The following ZNF618 variants were observed in gnomAD, a reference collection of about 807,000 sequenced individuals.
ZNF618 encodes zinc finger protein 618, also known as neural precursor cell expressed, developmentally down-regulated 10.
A neutral mutation model predicts 103.0 loss-of-function variants in ZNF618; 34 were observed. That is an observed-to-expected ratio of 0.33 (90% CI 0.25 to 0.44). The LOEUF is 0.44. Among genes scored for constraint, ZNF618 ranks in the 20% least tolerant of loss-of-function variants. The pLI, the probability that ZNF618 is intolerant of heterozygous loss-of-function variation, is 1.00. For missense variants in ZNF618, 1,059 were observed against 1,295.4 expected (o/e 0.82, Z 2.80); for synonymous variants, 551 against 542.2 (o/e 1.02, Z -0.23).
At chr9:113,941,409 G>C (rs1227946589) in intron 1 of ZNF618, among the ~76,000 whole-genome samples, 5 of 152,028 alleles carry the variant, frequency 3.3e-5, no homozygotes, top group Non-Finnish European at 1.5e-5. Context: ...GTTTTGTTGG[G>C]TTACTTTCTC....
At chr9:114,013,055 A>C (rs879379968) in intron 9 of ZNF618, among the ~76,000 whole-genome samples, 2 of 152,196 alleles carry the variant, frequency 1.3e-5, no homozygotes, top group African/African-American at 2.4e-5. Flanking sequence ...CATGAATTCA[A>C]GGTGGACTTG....
intron 13 of ZNF618, among the ~76,000 whole-genome samples, chr9:114,046,161 G>A (rs1444673846): frequency 6.6e-6 from 1 of 152,128 alleles, no homozygotes; most frequent in South Asian, 2.1e-4. Flanking sequence ...CATGTCATCT[G>A]CAGTTAGAGA....
At chr9:113,930,016 C>G (rs4979303) in intron 1 of ZNF618, among the ~76,000 whole-genome samples, 151,950 of 152,364 alleles carry the variant, frequency 1, 75,769 homozygotes, top group Middle Eastern at 1. Flanking sequence ...CTGATAACAG[C>G]CTTGGCCTAT....
intron 11 of ZNF618, among the ~76,000 whole-genome samples, chr9:114,029,259 C>T (rs1184182876): frequency 6.6e-6 from 1 of 152,142 alleles, no homozygotes; most frequent in African/African-American, 2.4e-5. Flanking sequence ...AAATCATGGC[C>T]TGAGGGGCCT....
At chr9:113,876,732 A>G (rs1019716388) in intron 1 of ZNF618, among the ~76,000 whole-genome samples, 1 of 151,650 alleles carries the variant, frequency 6.6e-6, no homozygotes, top group Non-Finnish European at 1.5e-5. Context: ...GACAATTCAC[A>G]TTTTGCAAAA....
chr9:113,902,521 G>A (rs1830655767), intron 1 of ZNF618, among the ~76,000 whole-genome samples: 2 of 152,144 alleles, frequency 1.3e-5, no homozygotes, highest in Admixed American at 6.5e-5. Flanking sequence ...TATTTAACAT[G>A]CATCTTTTTG....
chr9:114,045,649 A>G (rs747088498), intron 13 of ZNF618, among the ~76,000 whole-genome samples: 1 of 152,048 alleles, frequency 6.6e-6, no homozygotes, highest in Non-Finnish European at 1.5e-5. Context: ...ATCAGGAAGT[A>G]TATTCCTCCA....
At chr9:113,900,756 A>G (rs1479367358) in intron 1 of ZNF618, among the ~76,000 whole-genome samples, 5 of 126,100 alleles carry the variant, frequency 4.0e-5, no homozygotes, top group Non-Finnish European at 6.6e-5. Context: ...CTCTCGCGCA[A>G]ACCCGACCTC....
chr9:114,002,682 C>T lies in ZNF618; in HGVS notation c.550+20C>T, dbSNP rs757087345. The T allele has an allele frequency of 7.3e-5, 117 of 1,610,280 alleles. No homozygotes were observed. The highest frequency in any genetic ancestry group is 9.1e-5 in the Non-Finnish European group (107 of 1,179,364). On this transcript the variant is annotated intron_variant, in intron 6 of 14. Transcript: ENST00000374126. ...AAAGCAGTGAGTACTTTTTCCTCCTCGTGGGCTGCTGAGGGGCGAGGGCTT... is the reference window on the plus strand; with the variant it reads ...AAAGCAGTGAGTACTTTTTCCTCCTTGTGGGCTGCTGAGGGGCGAGGGCTT...
At chr9:114,015,386 T>A (rs1842570450) in intron 9 of ZNF618, among the ~76,000 whole-genome samples, 3 of 152,188 alleles carry the variant, frequency 2.0e-5, no homozygotes, top group Admixed American at 2.0e-4. Context: ...TGAAAAATAA[T>A]CAATTTCCTT....
chr9:114,051,574 T>C lies in ZNF618; in HGVS notation c.*1407T>C, dbSNP rs967097600. On this transcript the variant is annotated 3_prime_UTR_variant, in exon 15 of 15. Coordinates refer to ENST00000374126, the MANE Select transcript of ZNF618 (RefSeq NM_001318042.2). Reference sequence around the variant, plus strand: ...AGACCTGCCACAGCCTCTCCTCACTTCCCAGGACCCTGAGGCTTCCAGGAG... The same window carrying C: ...AGACCTGCCACAGCCTCTCCTCACTCCCCAGGACCCTGAGGCTTCCAGGAG... 1 of 152,680 alleles carries C rather than the reference T, an allele frequency of 6.5e-6. No individual in the cohort carries two copies. The highest frequency in any genetic ancestry group is 6.5e-5 in the Admixed American group (1 of 15,270). 9.5% of individuals were successfully genotyped at this position (152,680 alleles called of 1,614,324 possible).
chr9:114,048,014 G>A lies in ZNF618; in HGVS notation c.1348+20G>A. On this transcript the variant is annotated intron_variant, in intron 14 of 14. Transcript: ENST00000374126. ...ATAACAGTAGGTCTCCCCAAGCAGG[G>A]CTGGACCTGAGGGTCCCCTTATGCT... 1 of 1,558,442 alleles carries A rather than the reference G, an allele frequency of 6.4e-7. No individual in the cohort carries two copies.
At chr9:113,947,982 CAA>C (rs1835199076) in intron 1 of ZNF618, among the ~76,000 whole-genome samples, 2 of 152,302 alleles carry the variant, frequency 1.3e-5, no homozygotes, top group South Asian at 4.1e-4. Context: ...CCACTCTTGA[CAA>C]AGAGCATCAG....
intron 1 of ZNF618, among the ~76,000 whole-genome samples, chr9:113,905,498 G>A (rs895489878): frequency 1.5e-4 from 23 of 152,116 alleles, no homozygotes. Flanking sequence ...ACTGTCCGTG[G>A]CTGCTTCCAT....
intron 6 of ZNF618, among the ~76,000 whole-genome samples, chr9:114,002,911 C>T (rs1841383755): frequency 6.6e-6 from 1 of 152,252 alleles, no homozygotes; most frequent in Non-Finnish European, 1.5e-5. Context: ...TCCATGACGA[C>T]TTCTCTGGCC....
At chr9:113,948,068 C>T (rs1330901961) in intron 1 of ZNF618, among the ~76,000 whole-genome samples, 1 of 152,174 alleles carries the variant, frequency 6.6e-6, no homozygotes, top group African/African-American at 2.4e-5. Flanking sequence ...GTTGGCCTCT[C>T]TGGGAACAGA....
Position 114,007,443 on chromosome 9 carries a change from A to G in ZNF618, c.640+4A>G. The G allele has an allele frequency of 6.2e-7, 1 of 1,612,416 alleles. No individual in the cohort carries two copies. On this transcript the variant is annotated splice_donor_region_variant and intron_variant, in intron 7 of 14. Transcript: ENST00000374126. Reference sequence around the variant, plus strand: ...CGAGACCTGCACGCAGTGGATGGTGAGTCAGGCCCCTCACTCCCTGGAGTC... The same window carrying G: ...CGAGACCTGCACGCAGTGGATGGTGGGTCAGGCCCCTCACTCCCTGGAGTC...
chr9:113,914,300 A>C (rs978268671), intron 1 of ZNF618, among the ~76,000 whole-genome samples: 1 of 152,180 alleles, frequency 6.6e-6, no homozygotes, highest in African/African-American at 2.4e-5. Flanking sequence ...CCAGGATCCC[A>C]GAGGCCTGCC....
chr9:114,037,920 T>G (rs1203856774), intron 13 of ZNF618, among the ~76,000 whole-genome samples: 2 of 152,198 alleles, frequency 1.3e-5, no homozygotes, highest in Admixed American at 6.5e-5. Context: ...CTGGTGTGTC[T>G]GGGTGCTGTG....
Sources: allele counts gnomAD v4.1 joint callset (sites outside exome capture counted in the v4.1 genomes callset), GRCh38; gene constraint gnomAD v4.1.1; transcripts MANE v1.5; gene names NCBI Gene and HGNC (gene_info 2026-07-23, HGNC 2026-07-21).